Variants in CDH12 observed in about 807,000 individuals in gnomAD.
The protein encoded by CDH12 is cadherin-12.
CDH12 carries 41 observed loss-of-function variants against 74.1 expected under a neutral mutation model. The observed-to-expected ratio is 0.55, with a 90% CI of 0.43 to 0.72. CDH12 has a LOEUF of 0.72. Ranked by LOEUF, CDH12 falls within the 30% of genes least tolerant of loss-of-function variation. The pLI is 0.00. For synonymous variants in CDH12, 399 were observed against 355.0 expected, an observed-to-expected ratio of 1.12 and a Z score of -1.39; for missense variants, 945 against 977.2, an observed-to-expected ratio of 0.97 and a Z score of 0.44.
At chr5:22,419,380 C>G (rs1436496539) in intron 2 of CDH12, among the ~76,000 whole-genome samples, 4 of 152,068 alleles carry the variant, frequency 2.6e-5, no homozygotes, top group Non-Finnish European at 5.9e-5. Flanking sequence ...GTTAAGCTCC[C>G]ACCTATAAGT....
rs146140509 is a variant in CDH12, at chr5:22,313,448, T to C, written c.-333+91809A>G. On this transcript the variant is annotated intron_variant, in intron 3 of 14. Transcript: ENST00000382254. ...TTTTTTGAGTAGAAGACTAATATTATATGAATTTAGGGTGACCAACTTATT... is the reference window on the plus strand; with the variant it reads ...TTTTTTGAGTAGAAGACTAATATTACATGAATTTAGGGTGACCAACTTATT... Among the ~76,000 whole-genome samples, 6 of 152,290 alleles carry C rather than the reference T, an allele frequency of 3.9e-5. No homozygotes were observed. The East Asian group carries it at 1.2e-3, about 29-fold the overall frequency.
intron 6 of CDH12, among the ~76,000 whole-genome samples, chr5:21,895,340 C>T (rs1459298121): frequency 1.3e-5 from 2 of 152,174 alleles, no homozygotes; most frequent in South Asian, 4.1e-4. Flanking sequence ...TAAGATTCCA[C>T]ATGGGAAGAT....
chr5:21,936,399 T>C (rs1755075910), intron 6 of CDH12, among the ~76,000 whole-genome samples: 1 of 151,406 alleles, frequency 6.6e-6, no homozygotes, highest in South Asian at 2.1e-4. Flanking sequence ...CACTCTTTTA[T>C]TTTTTTAAGT....
chr5:21,879,125 T>A (rs1266054715), intron 6 of CDH12, among the ~76,000 whole-genome samples: 2 of 152,198 alleles, frequency 1.3e-5, no homozygotes, highest in Non-Finnish European at 2.9e-5. Context: ...GTGGCTGGTA[T>A]GATTTGCATT....
At chr5:21,985,555 G>T (rs1757477737) in intron 5 of CDH12, among the ~76,000 whole-genome samples, 1 of 152,100 alleles carries the variant, frequency 6.6e-6, no homozygotes, top group African/African-American at 2.4e-5. Context: ...GAGATTTAAA[G>T]TAATATTGTC....
intron 1 of CDH12, among the ~76,000 whole-genome samples, chr5:22,537,569 G>T (rs1415674687): frequency 6.6e-6 from 1 of 151,970 alleles, no homozygotes; most frequent in Non-Finnish European, 1.5e-5. Context: ...AGACATGCCA[G>T]CCCTGAGATA....
rs11740116 is a variant in CDH12, at chr5:22,789,682, G to C, written c.-523+63376C>G. 1.6e-4 allele frequency among the ~76,000 whole-genome samples: 25 copies of C among 151,966 alleles called. 1 individual carries two copies. The South Asian group carries it at 5.0e-3, about 30-fold the overall frequency. ...TATATCTCTGATTTACAACAGGCTA[G>C]GTTTCCTGGTTGATAAATTCTCAAA... On this transcript the variant is annotated intron_variant, in intron 1 of 14. Transcript: ENST00000382254.
intron 1 of CDH12, among the ~76,000 whole-genome samples, chr5:22,786,559 C>A (rs1385241360): frequency 3.3e-5 from 5 of 152,094 alleles, no homozygotes; most frequent in African/African-American, 1.2e-4. Flanking sequence ...CAGACACTCC[C>A]AGGCTTTTCT....
chr5:22,018,113 C>T (rs1737721055), intron 5 of CDH12, among the ~76,000 whole-genome samples: 1 of 152,040 alleles, frequency 6.6e-6, no homozygotes, highest in Non-Finnish European at 1.5e-5. Flanking sequence ...TATTAAGAAA[C>T]AATAATGTCA....
At chr5:22,299,857 G>C (rs904806341) in intron 3 of CDH12, among the ~76,000 whole-genome samples, 5 of 152,124 alleles carry the variant, frequency 3.3e-5, no homozygotes, top group African/African-American at 1.2e-4. Flanking sequence ...AGAGAGTATA[G>C]TAATATTTTT....
chr5:21,959,930 A>AAT (rs1310276891), intron 6 of CDH12, among the ~76,000 whole-genome samples: 20 of 143,762 alleles, frequency 1.4e-4, no homozygotes, highest in South Asian at 2.2e-4. Flanking sequence ...ATCTCAAAAA[A>AAT]AAAAAAAAAA....
chr5:22,709,154 T>G (rs993234843), intron 1 of CDH12, among the ~76,000 whole-genome samples: 11 of 151,750 alleles, frequency 7.2e-5, no homozygotes, highest in Non-Finnish European at 1.5e-4. Flanking sequence ...AGAGAGAGAG[T>G]GGCCACAAAT....
intron 6 of CDH12, among the ~76,000 whole-genome samples, chr5:21,872,183 C>T (rs10045440): frequency 0.13 from 20,087 of 152,054 alleles, 1,767 homozygotes; most frequent in African/African-American, 0.24. Flanking sequence ...CCTGAGTAGC[C>T]CCAGCACATC....
In CDH12 at chr5:22,297,943, T is replaced by C. The variant is rs190584170; in HGVS notation, c.-332-85300A>G. On this transcript the variant is annotated intron_variant, in intron 3 of 14. Transcript: ENST00000382254. ...TACTTCCAGTAACTTCATTATTTCT[T>C]TTAGATATTAACTTAATTTAATTTT... Among the ~76,000 whole-genome samples the C allele has an allele frequency of 5.3e-3, 800 of 152,028 alleles. 4 individuals are homozygous for C. The highest frequency in any genetic ancestry group is 9.2e-3 in the Non-Finnish European group (623 of 67,904).
intron 4 of CDH12, among the ~76,000 whole-genome samples, chr5:22,098,116 C>T (rs1342540642): frequency 1.3e-5 from 2 of 152,134 alleles, no homozygotes; most frequent in Admixed American, 6.5e-5. Flanking sequence ...TTCCTTTGCA[C>T]CCTTCATCCC....
At chr5:21,893,612 T>G (rs1235848751) in intron 6 of CDH12, among the ~76,000 whole-genome samples, 1 of 152,208 alleles carries the variant, frequency 6.6e-6, no homozygotes, top group Admixed American at 6.5e-5. Flanking sequence ...CTTCAAGTAT[T>G]CTTGCAATTT....
chr5:22,725,602 T>TA (rs201750205), intron 1 of CDH12, among the ~76,000 whole-genome samples: 1 of 148,816 alleles, frequency 6.7e-6, no homozygotes, highest in African/African-American at 2.6e-5. Context: ...CATTTTTTTT[T>TA]ATATATATAA....
intron 3 of CDH12, among the ~76,000 whole-genome samples, chr5:22,401,275 G>C (rs1016224496): frequency 2.0e-5 from 3 of 152,070 alleles, no homozygotes; most frequent in African/African-American, 4.8e-5. Context: ...TTAAAACTTA[G>C]AACTCTTCAT....
intron 6 of CDH12, among the ~76,000 whole-genome samples, chr5:21,923,673 A>C (rs1352568468): frequency 6.6e-6 from 1 of 152,130 alleles, no homozygotes; most frequent in African/African-American, 2.4e-5. Context: ...CATGCCTATA[A>C]ATCTTCAATT....
Sources: allele counts gnomAD v4.1 joint callset (sites outside exome capture counted in the v4.1 genomes callset), GRCh38; gene constraint gnomAD v4.1.1; transcripts MANE v1.5; gene names NCBI Gene and HGNC (gene_info 2026-07-23, HGNC 2026-07-21).